The following PCDH11X variants were observed in gnomAD, a reference collection of about 807,000 sequenced individuals.
The protein encoded by PCDH11X is protocadherin-11 X-linked.
PCDH11X carries 18 observed loss-of-function variants against 53.3 expected under a neutral mutation model. That is an observed-to-expected ratio of 0.34 (90% CI 0.23 to 0.50). The LOEUF is 0.50. PCDH11X is among the 20% of genes least tolerant of loss of function. The pLI is 0.98. For missense variants in PCDH11X, 570 were observed against 1,032.4 expected (o/e 0.55, Z 6.14); for synonymous variants, 279 against 393.3 (o/e 0.71, Z 3.44).
At chrX:91,948,008 T>G (rs2061597048) in intron 6 of PCDH11X, among the ~76,000 whole-genome samples, 1 of 88,310 alleles carries the variant, frequency 1.1e-5, no homozygotes, top group East Asian at 4.8e-4. Flanking sequence ...TGTTTTACAT[T>G]TTGTTATATG....
intron 7 of PCDH11X, among the ~76,000 whole-genome samples, chrX:92,223,565 C>G (rs1470342403): frequency 8.9e-6 from 1 of 111,951 alleles, no homozygotes; most frequent in Non-Finnish European, 1.9e-5. Context: ...CAACTGGTAT[C>G]CACCAAAACT....
intron 6 of PCDH11X, among the ~76,000 whole-genome samples, chrX:91,961,830 G>A (rs2061791887): frequency 9.2e-6 from 1 of 108,899 alleles, no homozygotes; most frequent in Non-Finnish European, 1.9e-5. Context: ...TACAATCATG[G>A]CAGAAGAGGA....
At chrX:92,419,770 C>T (rs1280445480) in intron 9 of PCDH11X, among the ~76,000 whole-genome samples, 1 of 100,945 alleles carries the variant, frequency 9.9e-6, no homozygotes, top group South Asian at 5.0e-4. Flanking sequence ...ACCTCTGCCT[C>T]CCAGGTTCAA....
Position 92,620,594 on chromosome X carries a change from T to G in PCDH11X, c.*1654T>G, listed in dbSNP as rs1928413729. ...TGTGTGTAAATTTTGTAACATAAAC[T>G]GTGGTAATTGCATAATTTCATTGGT... On this transcript the variant is annotated 3_prime_UTR_variant, in exon 11 of 11. Transcript: ENST00000682573. The G allele has an allele frequency of 9.0e-6, 1 of 111,308 alleles. No individual in the cohort carries two copies. The highest frequency in any genetic ancestry group is 1.9e-5 in the Non-Finnish European group (1 of 52,954). 9.2% of individuals were successfully genotyped at this position (111,308 alleles called of 1,213,427 possible).
At chrX:91,957,933 G>T (rs370111300) in intron 6 of PCDH11X, among the ~76,000 whole-genome samples, 3,896 of 108,898 alleles carry the variant, frequency 0.036, 172 homozygotes, top group African/African-American at 0.13. Flanking sequence ...CACAGGGAGG[G>T]ATCAGAGCTC....
chrX:91,818,611 A>T (rs1936530101), intron 4 of PCDH11X, among the ~76,000 whole-genome samples: 1 of 110,173 alleles, frequency 9.1e-6, no homozygotes, highest in African/African-American at 3.3e-5. Context: ...AGGCTGAGGC[A>T]GGAGAATCTC....
intron 5 of PCDH11X, among the ~76,000 whole-genome samples, chrX:91,853,958 A>G: frequency 9.0e-6 from 1 of 111,079 alleles, no homozygotes; most frequent in Non-Finnish European, 1.9e-5. Flanking sequence ...TCATGATCAC[A>G]TCGTGGTAAA....
In PCDH11X at chrX:91,879,144, C is replaced by T. The variant is rs753371169; in HGVS notation, c.2904C>T (p.Leu968=). The T allele has an allele frequency of 9.9e-6, 12 of 1,211,289 alleles. 1 individual carries two copies. Among genetic ancestry groups the T allele is most frequent in the Non-Finnish European group, 1.3e-5 (12 of 895,396 alleles). Residue 968 remains leucine (L), a synonymous_variant, in exon 6 of 11, where the codon CTC becomes CTT. Coordinates refer to ENST00000682573, the MANE Select transcript of PCDH11X (RefSeq NM_032968.5). ...SKHHIIQELP[L]DNTFVACDSI... ...ACCACATCATCCAAGAACTGCCTCTCGATAACACCTTTGTGGCCTGTGACT... is the reference window on the plus strand; with the variant it reads ...ACCACATCATCCAAGAACTGCCTCTTGATAACACCTTTGTGGCCTGTGACT...
intron 1 of PCDH11X, among the ~76,000 whole-genome samples, chrX:91,790,173 G>A (rs1317810931): frequency 9.0e-6 from 1 of 111,171 alleles, no homozygotes; most frequent in Admixed American, 9.6e-5. Context: ...TTTGCATTTA[G>A]AGGTTAAATT....
intron 1 of PCDH11X, among the ~76,000 whole-genome samples, chrX:91,793,530 A>G (rs1368472246): frequency 9.0e-6 from 1 of 110,628 alleles, no homozygotes; most frequent in African/African-American, 3.3e-5. Context: ...GTGGACTAGG[A>G]AATAAGGATG....
At chrX:92,564,489 A>G in intron 10 of PCDH11X, among the ~76,000 whole-genome samples, 1 of 104,082 alleles carries the variant, frequency 9.6e-6, no homozygotes, top group Admixed American at 1.1e-4. Flanking sequence ...CTAGTTTTCA[A>G]CAAAAGTGCC....
At chrX:91,822,592 C>G (rs1315669802) in intron 4 of PCDH11X, among the ~76,000 whole-genome samples, 7 of 104,991 alleles carry the variant, frequency 6.7e-5, no homozygotes, top group Non-Finnish European at 1.2e-4. Context: ...TGCTAGCAGT[C>G]TATCAATTTT....
chrX:92,606,544 C>T (rs6619090), intron 10 of PCDH11X, among the ~76,000 whole-genome samples: 25,595 of 106,027 alleles, frequency 0.24, 2,607 homozygotes, highest in African/African-American at 0.33. Context: ...GATCATTGAC[C>T]TTAATATGAG....
chrX:92,226,122 C>T (rs2066966476), intron 7 of PCDH11X, among the ~76,000 whole-genome samples: 1 of 111,485 alleles, frequency 9.0e-6, no homozygotes, highest in East Asian at 2.8e-4. Context: ...GATCCCTTTC[C>T]TCCTCATCGT....
intron 6 of PCDH11X, chrX:91,883,525 G>C: frequency 1.3e-6 from 1 of 749,989 alleles, no homozygotes; most frequent in South Asian, 6.8e-5. Flanking sequence ...AGTTGAGTGG[G>C]CCGGGCGCGG....
intron 7 of PCDH11X, among the ~76,000 whole-genome samples, chrX:92,215,453 G>C (rs927499790): frequency 2.1e-5 from 2 of 95,027 alleles, no homozygotes; most frequent in African/African-American, 7.6e-5. Context: ...CTGATTGCTA[G>C]CACAGCAGTC....
Position 92,047,939 on chromosome X carries a change from A to G in PCDH11X, c.3034-153436A>G, listed in dbSNP as rs1441027060. ...TGGAAGAGCTTTAAGTGCACAATGG[A>G]AAGCTGCCTGGGAGGGAAAAGAGTA... On this transcript the variant is annotated intron_variant, in intron 6 of 10. Transcript: ENST00000682573. Among the ~76,000 whole-genome samples, 4 of 111,587 alleles carry G rather than the reference A, an allele frequency of 3.6e-5. No individual in the cohort carries two copies. In the East Asian group the frequency reaches 1.1e-3, roughly 31 times the overall value.
intron 5 of PCDH11X, among the ~76,000 whole-genome samples, chrX:91,838,889 A>G (rs1207335962): frequency 9.0e-6 from 1 of 110,665 alleles, no homozygotes; most frequent in Non-Finnish European, 1.9e-5. Flanking sequence ...TTAAATATTT[A>G]AATAGGTCAA....
intron 8 of PCDH11X, among the ~76,000 whole-genome samples, chrX:92,331,401 T>C (rs866591116): frequency 3.8e-5 from 3 of 79,698 alleles, no homozygotes; most frequent in East Asian, 7.7e-4. Context: ...TCTTCCTTCT[T>C]CTGCTTTTAC....
Sources: gnomAD v4.1 joint callset for allele counts (sites outside exome capture counted in the v4.1 genomes callset) on GRCh38, gnomAD v4.1.1 for gene constraint, MANE v1.5 for transcripts, NCBI Gene and HGNC (gene_info 2026-07-23, HGNC 2026-07-21) for gene names.